The following MAL2 variants were observed in gnomAD, a reference collection of about 807,000 sequenced individuals.
MAL2 encodes the protein protein MAL2.
In MAL2, 17 loss-of-function variants were observed where a neutral mutation model predicts 18.1. The observed-to-expected ratio is 0.94, with a 90% CI of 0.64 to 1.41. The LOEUF is 1.41. MAL2 is among the 40% of genes most tolerant of loss of function. The pLI is 0.00. For synonymous variants in MAL2, 102 were observed against 102.3 expected (o/e 1.00, Z 0.02); for missense variants, 222 against 231.9 (o/e 0.96, Z 0.28).
chr8:119,219,050 A>C (rs1817412439), intron 1 of MAL2, among the ~76,000 whole-genome samples: 1 of 152,236 alleles, frequency 6.6e-6, no homozygotes, highest in South Asian at 2.1e-4. Context: ...TTTATTTAAT[A>C]GTATGTAAAG....
At chr8:119,215,446 C>T (rs899879111) in intron 1 of MAL2, 2 of 152,142 alleles carry the variant, frequency 1.3e-5, no homozygotes, top group African/African-American at 4.8e-5. Context: ...TAGAAAGCAC[C>T]ACCCTGGGTA....
At chr8:119,213,791 C>A (rs1817302298) in intron 1 of MAL2, among the ~76,000 whole-genome samples, 1 of 152,112 alleles carries the variant, frequency 6.6e-6, no homozygotes, top group Non-Finnish European at 1.5e-5. Context: ...ACCCTCCAGC[C>A]TGGGAAATAA....
chr8:119,223,246 G>A (rs1024999621), intron 2 of MAL2: 1 of 152,102 alleles, frequency 6.6e-6, no homozygotes, highest in African/African-American at 2.4e-5. Context: ...GGGGCAAATG[G>A]CATAGCTTAG....
At chr8:119,242,340 G>C (rs1818064036) in intron 3 of MAL2, among the ~76,000 whole-genome samples, 1 of 152,084 alleles carries the variant, frequency 6.6e-6, no homozygotes, top group Admixed American at 6.6e-5. Context: ...CCCTTTCTAA[G>C]TGAAGCTGTC....
chr8:119,230,398 A>ACTT (rs1817692874), intron 2 of MAL2, among the ~76,000 whole-genome samples: 1 of 150,314 alleles, frequency 6.7e-6, no homozygotes, highest in African/African-American at 2.4e-5. Context: ...TAATTCAGAT[A>ACTT]CTTCTGAAAA....
chr8:119,240,593 A>G (rs540976757), intron 3 of MAL2, among the ~76,000 whole-genome samples: 15 of 152,332 alleles, frequency 9.8e-5, no homozygotes, highest in Admixed American at 1.3e-4. Flanking sequence ...AGCAGTGTCT[A>G]CTTTGCAAAA....
At chr8:119,235,146 G>A (rs538322265) in intron 2 of MAL2, among the ~76,000 whole-genome samples, 116 of 152,260 alleles carry the variant, frequency 7.6e-4, no homozygotes, top group Middle Eastern at 6.8e-3. Flanking sequence ...CAAGGCTCGA[G>A]AACTATGTGA....
At chr8:119,232,390 T>G (rs1817752460) in intron 2 of MAL2, among the ~76,000 whole-genome samples, 1 of 152,028 alleles carries the variant, frequency 6.6e-6, no homozygotes, top group South Asian at 2.1e-4. Context: ...TAAATGATGG[T>G]TATAAGGATG....
At chr8:119,210,799 T>G (rs1319152083) in intron 1 of MAL2, among the ~76,000 whole-genome samples, 2 of 152,236 alleles carry the variant, frequency 1.3e-5, no homozygotes, top group Non-Finnish European at 2.9e-5. Context: ...CAAAAGCTTA[T>G]TAGTTTGCTT....
chr8:119,229,494 G>C (rs1055880620), intron 2 of MAL2, among the ~76,000 whole-genome samples: 12 of 152,004 alleles, frequency 7.9e-5, no homozygotes, highest in African/African-American at 2.7e-4. Context: ...TGTATTTTTA[G>C]TAGAGATGGG....
chr8:119,238,231 GACATGAAGGACCTCTTCAAGAACT>G (rs1324353315), intron 2 of MAL2, among the ~76,000 whole-genome samples: 1 of 152,098 alleles, frequency 6.6e-6, no homozygotes. Context: ...ACTTACAAGG[GACATGAAGGACCTCTTCAAGAACT>G]ACAAACCACT....
At position 119,238,248 on chromosome 8, in the gene MAL2, C is replaced by G. The variant is rs192697454; in HGVS notation, c.304-1917C>G. On this transcript the variant is annotated intron_variant, in intron 2 of 3. Coordinates refer to ENST00000614891, the MANE Select transcript of MAL2 (RefSeq NM_052886.3). ...TTACAAGGGACATGAAGGACCTCTT[C>G]AAGAACTACAAACCACTGCTCACTG... Among the ~76,000 whole-genome samples the G allele has an allele frequency of 2.3e-3, 354 of 151,414 alleles. 1 individual carries two copies. The highest frequency in any genetic ancestry group is 3.6e-3 in the Admixed American group (55 of 15,272).
Position 119,233,392 on chromosome 8 carries a change from G to T in MAL2, c.304-6773G>T, listed in dbSNP as rs574510136. Among the ~76,000 whole-genome samples the T allele has an allele frequency of 4.6e-5, 7 of 152,212 alleles. No homozygotes were observed. The South Asian group carries it at 1.5e-3, about 32-fold the overall frequency. On this transcript the variant is annotated intron_variant, in intron 2 of 3. Coordinates refer to ENST00000614891, the MANE Select transcript of MAL2 (RefSeq NM_052886.3). ...AAAAAATTAATGAATCCAGGAGCTG[G>T]TTTTTTGAAAGGATCAACAAAATTG...
In MAL2 at chr8:119,208,967, C is replaced by T. The variant is rs1817229189; in HGVS notation, c.132+363C>T. 7 of 169,208 alleles carry T rather than the reference C, an allele frequency of 4.1e-5. No individual in the cohort carries two copies. The highest frequency in any genetic ancestry group is 1.3e-5 in the Non-Finnish European group (1 of 79,564). The allele number at this position is 169,208 out of a possible 1,614,324, so 10.5% of individuals were successfully genotyped here. On this transcript the variant is annotated intron_variant, in intron 1 of 3. Transcript: ENST00000614891. The surrounding 1 kb of genome is among the most constrained non-coding windows in gnomAD (Gnocchi z 4.3). ...GGCCGCGCTTGGCCGGAGCGAGCTC[C>T]TGGCTCTCGGCCTCGCCTGTTGCTA... is the stretch of plus-strand genomic sequence containing the variant.
At chr8:119,236,636 T>A (rs200378536) in intron 2 of MAL2, among the ~76,000 whole-genome samples, 3 of 151,278 alleles carry the variant, frequency 2.0e-5, no homozygotes, top group African/African-American at 7.3e-5. Flanking sequence ...GGATTAAGAA[T>A]CTCACTCAAA....
Position 119,216,716 on chromosome 8 carries a change from C to T in MAL2, c.133-4871C>T, listed in dbSNP as rs553026400. On this transcript the variant is annotated intron_variant, in intron 1 of 3. Transcript: ENST00000614891. Reference sequence around the variant, plus strand: ...AGAATTAGAAGGAGGGAGCTTAATACGGAAAGTTCTAAATAGTGTTTTCCC... The same window carrying T: ...AGAATTAGAAGGAGGGAGCTTAATATGGAAAGTTCTAAATAGTGTTTTCCC... 1.8e-3 allele frequency among the ~76,000 whole-genome samples: 276 copies of T among 152,282 alleles called. 1 individual carries two copies. The highest frequency in any genetic ancestry group is 2.1e-3 in the Non-Finnish European group (140 of 68,020).
Position 119,240,164 on chromosome 8 carries a change from G to A in MAL2, c.304-1G>A. The A allele has an allele frequency of 6.2e-7, 1 of 1,611,366 alleles. No individual in the cohort carries two copies. On this transcript the variant is annotated splice_acceptor_variant, in intron 2 of 3. Transcript: ENST00000614891. LOFTEE classifies it high-confidence loss of function. Reference sequence around the variant, plus strand: ...CAGATGTCTTTTCTCTCCTCTTTTAGGATTTTGCCTACCATTTTACAGTAT... The same window carrying A: ...CAGATGTCTTTTCTCTCCTCTTTTAAGATTTTGCCTACCATTTTACAGTAT...
intron 2 of MAL2, among the ~76,000 whole-genome samples, chr8:119,231,624 G>A (rs1377274130): frequency 6.6e-6 from 1 of 152,130 alleles, no homozygotes; most frequent in Non-Finnish European, 1.5e-5. Flanking sequence ...TGACATCAGT[G>A]AGATATCTGC....
Position 119,208,596 on chromosome 8 carries a change from C to T in MAL2, c.124C>T (p.Leu42=), listed in dbSNP as rs1817222254. 1 of 1,358,484 alleles carries T rather than the reference C, an allele frequency of 7.4e-7. No homozygotes were observed. Among genetic ancestry groups the T allele is most frequent in the Non-Finnish European group, 9.5e-7 (1 of 1,053,132 alleles). The allele number at this position is 1,358,484 out of a possible 1,614,324, so 84.2% of individuals were successfully genotyped here. A position where few individuals can be genotyped will look rare whatever the true frequency, so the allele number is the denominator to read the frequency against. The change falls in exon 1 of 4, where the codon CTG becomes TTG. Residue 42 remains leucine (L), a synonymous_variant. Transcript: ENST00000614891. This position sits in a 1 kb window ranked among gnomAD's most constrained non-coding sequence, Gnocchi z 4.3. ...GACCTACTCGGGCGCCTTCGTCTGC[C>T]TGGAGATTGTAAGTGGGGCCGCCGG... The part of the protein sequence containing the change: ...LRTYSGAFVC[L]EILFGGLVWI...
Sources: allele counts gnomAD v4.1 joint callset (sites outside exome capture counted in the v4.1 genomes callset), GRCh38; gene constraint gnomAD v4.1.1; non-coding constraint Gnocchi (gnomAD v3.1); transcripts MANE v1.5; gene names NCBI Gene and HGNC (gene_info 2026-07-23, HGNC 2026-07-21).